COLGALT2: variants seen among roughly 807,000 people sequenced by gnomAD.
COLGALT2 encodes procollagen galactosyltransferase 2.
In COLGALT2, 49 loss-of-function variants were observed where a neutral mutation model predicts 73.4. The observed-to-expected ratio is 0.67, with a 90% CI of 0.53 to 0.85. COLGALT2 has a LOEUF of 0.85. Among genes scored for constraint, COLGALT2 ranks in the 40% least tolerant of loss-of-function variants. The probability of loss-of-function intolerance (pLI) is 0.00; values close to 1 mark genes in which losing one functional copy is unlikely to be tolerated. For missense variants in COLGALT2, 722 were observed against 790.2 expected (o/e 0.91, Z 1.03); for synonymous variants, 295 against 307.6 (o/e 0.96, Z 0.43).
chr1:183,963,827 G>A, intron 6 of COLGALT2, 74 bp downstream of exon 6: 1 of 1,376,230 alleles, frequency 7.3e-7, no homozygotes, highest in Non-Finnish European at 9.6e-7. Context: ...AATCCTGGAA[G>A]AGGAGGGAAG....
intron 5 of COLGALT2, among the ~76,000 whole-genome samples, chr1:183,966,147 A>G (rs987760196): frequency 1.4e-4 from 22 of 152,200 alleles, no homozygotes; most frequent in Non-Finnish European, 2.9e-4. Context: ...TTAATAAACC[A>G]TGGGGAACTA....
chr1:183,992,284 A>G (rs1403787122), intron 1 of COLGALT2, among the ~76,000 whole-genome samples: 1 of 152,224 alleles, frequency 6.6e-6, no homozygotes, highest in Non-Finnish European at 1.5e-5. Context: ...TGTCCCATCT[A>G]CCACTACTCT....
intron 1 of COLGALT2, among the ~76,000 whole-genome samples, chr1:184,031,098 G>A (rs1247784479): frequency 6.6e-6 from 1 of 152,214 alleles, no homozygotes; most frequent in Non-Finnish European, 1.5e-5. Context: ...ATTGGAGGTT[G>A]CAGGGAGGAT....
At chr1:183,945,976 TACAAA>T (rs778330483) in intron 8 of COLGALT2, 366 of 158,866 alleles carry the variant, frequency 2.3e-3, no homozygotes, top group Admixed American at 3.6e-3. Flanking sequence ...ACCCCAGCCC[TACAAA>T]AGCCTTGAAA....
At chr1:183,978,057 A>T (rs1378329067) in intron 2 of COLGALT2, among the ~76,000 whole-genome samples, 1 of 152,192 alleles carries the variant, frequency 6.6e-6, no homozygotes, top group Non-Finnish European at 1.5e-5. Context: ...TAAAAGTTGA[A>T]AAAAGCAAGC....
chr1:184,018,863 T>G (rs1649087683), intron 1 of COLGALT2, among the ~76,000 whole-genome samples: 1 of 152,104 alleles, frequency 6.6e-6, no homozygotes, highest in Non-Finnish European at 1.5e-5. Flanking sequence ...TAGCAAGCAG[T>G]AAAAATGCCA....
At chr1:183,967,647 G>T (rs1438998872) in intron 5 of COLGALT2, among the ~76,000 whole-genome samples, 3 of 152,132 alleles carry the variant, frequency 2.0e-5, no homozygotes, top group Non-Finnish European at 4.4e-5. Context: ...CTATAAAGGA[G>T]GACTCTGTTA....
At chr1:183,977,243 G>A (rs2378794) in intron 2 of COLGALT2, among the ~76,000 whole-genome samples, 84,720 of 151,690 alleles carry the variant, frequency 0.56, 28,587 homozygotes, top group Non-Finnish European at 0.76. Flanking sequence ...AGGTCAAGGC[G>A]GGCAGATCAC....
rs397861890 is a variant in COLGALT2 at position 183,930,569 on chromosome 1, CTTTTTTTTTT to C, written c.1605-290_1605-281del. On this transcript the variant is annotated intron_variant, in intron 11 of 11. Coordinates refer to the COLGALT2 transcript ENST00000649786. ...AATGCCCTGCTAATTTTTTCTTTTT[CTTTTTTTTTT>C]TTTTTTTTTTTGTATTTTTTATACA... Among the ~76,000 whole-genome samples the C allele has an allele frequency of 1.7e-3, 192 of 114,068 alleles. 1 individual carries two copies. The highest frequency in any genetic ancestry group is 6.3e-3 in the African/African-American group (186 of 29,634). The allele number at this position is 114,068 out of a possible 152,430, so 74.8% of individuals were successfully genotyped here.
rs1161889349 is a variant in COLGALT2, at chr1:183,937,898, G to A, written c.*863C>T. The A allele has an allele frequency of 6.1e-5, 60 of 985,324 alleles. 1 individual carries two copies. In the Admixed American group the frequency reaches 1.7e-3, roughly 27 times the overall value. 61.0% of individuals were successfully genotyped at this position (985,324 alleles called of 1,614,324 possible). On this transcript the variant is annotated 3_prime_UTR_variant, in exon 12 of 12. Transcript: ENST00000361927. ...CAGGCTAAGGGGTGGAGCGGAGAGC[G>A]TGAAGCTCTGTAGCAGCGCGCAAAC...
intron 6 of COLGALT2, among the ~76,000 whole-genome samples, chr1:183,962,160 T>C (rs1341289140): frequency 3.1e-5 from 4 of 128,300 alleles, no homozygotes; most frequent in Non-Finnish European, 6.7e-5. Context: ...CTTTCTTTTT[T>C]TTTTTTTTTT....
At chr1:183,980,303 T>C (rs1435079216) in intron 1 of COLGALT2, among the ~76,000 whole-genome samples, 1 of 151,978 alleles carries the variant, frequency 6.6e-6, no homozygotes. Flanking sequence ...ATGCTACTTC[T>C]TTGAGAAAGA....
At chr1:184,001,963 A>C (rs971191651) in intron 1 of COLGALT2, among the ~76,000 whole-genome samples, 1 of 152,256 alleles carries the variant, frequency 6.6e-6, no homozygotes, top group Non-Finnish European at 1.5e-5. Flanking sequence ...TTGCTTTATA[A>C]GGTTCTTCCA....
Position 183,938,008 on chromosome 1 carries a change from GC to G in COLGALT2, c.*752del. On this transcript the variant is annotated 3_prime_UTR_variant, in exon 12 of 12. Coordinates refer to ENST00000361927, the MANE Select transcript of COLGALT2 (RefSeq NM_015101.4). Reference sequence around the variant, plus strand: ...TAAATAGAGCATCCTGACTCGAGTGGCCATAATAAAAAAGCCAAACATTGAG... The same window carrying G: ...TAAATAGAGCATCCTGACTCGAGTGGCATAATAAAAAAGCCAAACATTGAG... The G allele has an allele frequency of 1.0e-6, 1 of 985,328 alleles. No individual in the cohort carries two copies. Among genetic ancestry groups the G allele is most frequent in the Non-Finnish European group, 1.2e-6 (1 of 829,940 alleles). The allele number at this position is 985,328 out of a possible 1,614,324, so 61.0% of individuals were successfully genotyped here. A position where few individuals can be genotyped will look rare whatever the true frequency, so the allele number is the denominator to read the frequency against.
intron 7 of COLGALT2, among the ~76,000 whole-genome samples, chr1:183,951,603 C>T (rs1670403595): frequency 1.3e-5 from 2 of 151,338 alleles, no homozygotes; most frequent in South Asian, 4.2e-4. Flanking sequence ...ATAGTAACTA[C>T]AAAAAAATTT....
intron 9 of COLGALT2, among the ~76,000 whole-genome samples, chr1:183,944,552 T>C (rs1481726454): frequency 1.3e-5 from 2 of 152,182 alleles, no homozygotes; most frequent in Non-Finnish European, 2.9e-5. Flanking sequence ...CTAAATGTCA[T>C]GTTAGGAGAG....
chr1:184,027,028 T>C (rs1335269202), intron 1 of COLGALT2, among the ~76,000 whole-genome samples: 5 of 152,138 alleles, frequency 3.3e-5, no homozygotes, highest in Admixed American at 1.3e-4. Context: ...ATTTGGGGCA[T>C]TGTCTTTTAA....
Position 183,944,183 on chromosome 1 carries a change from T to C in COLGALT2, c.1397+13A>G. 6.2e-7 allele frequency: 1 copy of C among 1,606,474 alleles called. No homozygotes were observed. Among genetic ancestry groups the C allele is most frequent in the East Asian group, 2.2e-5 (1 of 44,736 alleles). ...CTCTCAGAGCCCTCTCGTAAGATCA[T>C]CTTGTCACTCACATCAGTTCCCAGT... On this transcript the variant is annotated intron_variant, in intron 10 of 11. Coordinates refer to ENST00000361927, the MANE Select transcript of COLGALT2 (RefSeq NM_015101.4).
At chr1:184,031,650 T>C (rs1649513337) in intron 1 of COLGALT2, among the ~76,000 whole-genome samples, 2 of 152,224 alleles carry the variant, frequency 1.3e-5, no homozygotes, top group African/African-American at 4.8e-5. Context: ...GGCTCCACCA[T>C]GCATTAGCCT....
Sources: gnomAD v4.1 joint callset for allele counts (sites outside exome capture counted in the v4.1 genomes callset) on GRCh38, gnomAD v4.1.1 for gene constraint, MANE v1.5 for transcripts, NCBI Gene and HGNC (gene_info 2026-07-23, HGNC 2026-07-21) for gene names.